Variants in ATP6V0E1 observed in about 807,000 individuals in gnomAD.
The protein encoded by ATP6V0E1 is V-type proton ATPase subunit e 1.
A neutral mutation model predicts 11.6 loss-of-function variants in ATP6V0E1; 4 were observed. The ratio of observed to expected loss-of-function variants is 0.35; its 90% CI spans 0.17 to 0.79. The LOEUF (loss-of-function observed/expected upper bound fraction) is 0.79, where lower values mean the gene tolerates loss of function less well. Among genes scored for constraint, ATP6V0E1 ranks in the 30% least tolerant of loss-of-function variants. The probability of loss-of-function intolerance (pLI) is 0.54; values close to 1 mark genes in which losing one functional copy is unlikely to be tolerated. For synonymous variants in ATP6V0E1, 36 were observed against 34.8 expected, an observed-to-expected ratio of 1.04 and a Z score of -0.13; for missense variants, 105 against 100.0, an observed-to-expected ratio of 1.05 and a Z score of -0.21.
At chr5:173,027,178 CAAAAAAAAAA>C (rs1158447516) in intron 3 of ATP6V0E1, among the ~76,000 whole-genome samples, 12 of 26,048 alleles carry the variant, frequency 4.6e-4, no homozygotes, top group Non-Finnish European at 7.2e-4. Flanking sequence ...GACTCCGTCT[CAAAAAAAAAA>C]AAAAAAAAAA....
intron 2 of ATP6V0E1, among the ~76,000 whole-genome samples, chr5:173,002,479 A>G (rs1383274072): frequency 1.3e-5 from 2 of 152,116 alleles, no homozygotes; most frequent in Non-Finnish European, 2.9e-5. Context: ...TTGCATACTC[A>G]TGGTGGTAAC....
rs772094214 is a variant in ATP6V0E1, at chr5:172,983,866, G to T, written c.6G>T (p.Ala2=). ...TTGGCGCTCAGGCGGCGACCATGGCGTATCACGGCCTCACTGTGCCTCTCA... is the reference window on the plus strand; with the variant it reads ...TTGGCGCTCAGGCGGCGACCATGGCTTATCACGGCCTCACTGTGCCTCTCA... The part of the protein sequence containing the change: M[A]YHGLTVPLIV... The change falls in exon 1 of 4, where the codon GCG becomes GCT. Residue 2 remains alanine, a synonymous_variant. Coordinates refer to ENST00000519374, the MANE Select transcript of ATP6V0E1 (RefSeq NM_003945.4). 4 of 1,613,628 alleles carry T rather than the reference G, an allele frequency of 2.5e-6. No homozygotes were observed. Among genetic ancestry groups the T allele is most frequent in the Admixed American group, 3.3e-5 (2 of 60,006 alleles).
chr5:173,028,182 A>G (rs547338499), intron 3 of ATP6V0E1, among the ~76,000 whole-genome samples: 8 of 152,304 alleles, frequency 5.3e-5, no homozygotes, highest in Middle Eastern at 3.4e-3. Flanking sequence ...AATTATGAAC[A>G]TCGTGTCATG....
intron 3 of ATP6V0E1, among the ~76,000 whole-genome samples, chr5:173,030,967 C>T (rs1163175318): frequency 3.6e-5 from 5 of 137,012 alleles, no homozygotes; most frequent in East Asian, 2.1e-4. Context: ...TTATTTGAGA[C>T]GGAGTCTTGC....
intron 2 of ATP6V0E1, among the ~76,000 whole-genome samples, chr5:173,019,923 G>A (rs1011473336): frequency 6.6e-6 from 1 of 152,134 alleles, no homozygotes. Context: ...AAGTGAAAAC[G>A]CTTTGAAGCG....
chr5:172,992,095 G>C (rs1755991888), intron 1 of ATP6V0E1, among the ~76,000 whole-genome samples: 1 of 151,370 alleles, frequency 6.6e-6, no homozygotes, highest in Admixed American at 6.6e-5. Context: ...CTGTCGCCCA[G>C]GCTGGAGTGC....
At chr5:172,985,335 G>A (rs558294631) in intron 1 of ATP6V0E1, among the ~76,000 whole-genome samples, 45 of 150,544 alleles carry the variant, frequency 3.0e-4, no homozygotes, top group Admixed American at 1.3e-3. Flanking sequence ...GGATACATTT[G>A]CTTTATTAGT....
At chr5:173,012,509 T>C (rs1352134435) in intron 2 of ATP6V0E1, among the ~76,000 whole-genome samples, 1 of 151,870 alleles carries the variant, frequency 6.6e-6, no homozygotes, top group East Asian at 1.9e-4. Flanking sequence ...TCCCAGCACT[T>C]TGGGAGGCCA....
At chr5:173,000,092 T>G (rs889618361) in intron 2 of ATP6V0E1, among the ~76,000 whole-genome samples, 2 of 152,208 alleles carry the variant, frequency 1.3e-5, no homozygotes, top group Non-Finnish European at 2.9e-5. Context: ...GACTTTGGCT[T>G]TCAAAGTCAT....
rs532666616 is a variant in ATP6V0E1 at position 172,987,674 on chromosome 5, A to G, written c.104+3710A>G. On this transcript the variant is annotated intron_variant, in intron 1 of 3. Transcript: ENST00000519374. ...TTGTACATGTAAGAGTAAACTTTTG[A>G]AAACAAATCAAAACACACACAGACA... Among the ~76,000 whole-genome samples, 9 of 152,140 alleles carry G rather than the reference A, an allele frequency of 5.9e-5. 1 individual carries two copies. In the South Asian group the frequency reaches 1.7e-3, roughly 28 times the overall value.
intron 2 of ATP6V0E1, among the ~76,000 whole-genome samples, chr5:173,016,122 G>A (rs1400666774): frequency 1.3e-5 from 2 of 152,204 alleles, no homozygotes; most frequent in Non-Finnish European, 2.9e-5. Context: ...GAGCCTCCCC[G>A]ATTTATAGCC....
intron 2 of ATP6V0E1, among the ~76,000 whole-genome samples, chr5:173,002,188 C>A (rs1448125298): frequency 6.6e-6 from 1 of 152,160 alleles, no homozygotes; most frequent in Admixed American, 6.5e-5. Flanking sequence ...CAATATGTGT[C>A]TCTAAATTTT....
rs1271659058 is a variant in ATP6V0E1 at position 172,987,390 on chromosome 5, TCTC to T, written c.104+3429_104+3431del. Among the ~76,000 whole-genome samples the T allele has an allele frequency of 5.3e-5, 8 of 151,032 alleles. No homozygotes were observed. In the East Asian group the frequency reaches 1.4e-3, roughly 26 times the overall value. On this transcript the variant is annotated intron_variant, in intron 1 of 3. Transcript: ENST00000519374. ...CCTCCACCTGCTGGATTCAAGCAAT[TCTC>T]CTGCCTCAGCCCCCTGAGTAGTTGG...
chr5:172,984,526 TGTTGAGA>T (rs1755851964), intron 1 of ATP6V0E1, among the ~76,000 whole-genome samples: 2 of 152,170 alleles, frequency 1.3e-5, no homozygotes, highest in Non-Finnish European at 2.9e-5. Context: ...CAGGAGGTAT[TGTTGAGA>T]AACCCCTGCG....
Position 173,035,030 on chromosome 5 carries a change from A to C in ATP6V0E1, c.*668A>C, listed in dbSNP as rs1456409718. The C allele has an allele frequency of 6.5e-6, 1 of 152,784 alleles. No individual in the cohort carries two copies. The highest frequency in any genetic ancestry group is 6.5e-5 in the Admixed American group (1 of 15,352). The allele number at this position is 152,784 out of a possible 1,614,324, so 9.5% of individuals were successfully genotyped here. A position where few individuals can be genotyped will look rare whatever the true frequency, so the allele number is the denominator to read the frequency against. ...CATGTAGCTTGAGATGCCTGAAAAG[A>C]CTGGTAAGTGCGTTTCTTAATCGTT... On this transcript the variant is annotated 3_prime_UTR_variant, in exon 4 of 4. Transcript: ENST00000519374.
intron 1 of ATP6V0E1, among the ~76,000 whole-genome samples, chr5:172,994,257 T>G (rs1339819880): frequency 2.0e-5 from 3 of 151,602 alleles, no homozygotes; most frequent in East Asian, 1.9e-4. Context: ...TTCTGAGGAG[T>G]AGGAGATTCA....
intron 3 of ATP6V0E1, among the ~76,000 whole-genome samples, chr5:173,031,246 AT>A (rs1241898945): frequency 2.0e-5 from 3 of 148,954 alleles, no homozygotes; most frequent in Non-Finnish European, 3.0e-5. Flanking sequence ...GCCCGGCCTA[AT>A]TTTTGTATTT....
intron 2 of ATP6V0E1, among the ~76,000 whole-genome samples, chr5:172,996,542 A>G (rs1168247814): frequency 6.6e-6 from 1 of 151,874 alleles, no homozygotes; most frequent in Non-Finnish European, 1.5e-5. Flanking sequence ...AGCCTGGGCG[A>G]CAGAGCGAGA....
chr5:173,010,231 G>A (rs1756298925), intron 2 of ATP6V0E1, among the ~76,000 whole-genome samples: 1 of 152,154 alleles, frequency 6.6e-6, no homozygotes, highest in South Asian at 2.1e-4. Flanking sequence ...GGGAGAGGAG[G>A]TGGAGATGAG....
Sources: allele counts gnomAD v4.1 joint callset (sites outside exome capture counted in the v4.1 genomes callset), GRCh38; gene constraint gnomAD v4.1.1; transcripts MANE v1.5; gene names NCBI Gene and HGNC (gene_info 2026-07-23, HGNC 2026-07-21).